RECK: variants seen among roughly 807,000 people sequenced by gnomAD.
The protein encoded by RECK is reversion inducing cysteine rich protein with kazal motifs.
Under a neutral mutation model 115.1 loss-of-function variants are expected in RECK, and 69 were observed. The observed-to-expected ratio is 0.60, with a 90% CI of 0.49 to 0.73. RECK has a LOEUF of 0.73. Among genes scored for constraint, RECK ranks in the 30% least tolerant of loss-of-function variants. The pLI, the probability that RECK is intolerant of heterozygous loss-of-function variation, is 0.00. For synonymous variants in RECK, 414 were observed against 419.7 expected, an observed-to-expected ratio of 0.99 and a Z score of 0.17; for missense variants, 1,047 against 1,203.7, an observed-to-expected ratio of 0.87 and a Z score of 1.93.
At chr9:36,114,191 GAA>G (rs1824167511) in intron 16 of RECK, among the ~76,000 whole-genome samples, 1 of 152,184 alleles carries the variant, frequency 6.6e-6, no homozygotes, top group South Asian at 2.1e-4. Flanking sequence ...CCATTGTCTA[GAA>G]CTCAGTCCGT....
intron 1 of RECK, among the ~76,000 whole-genome samples, chr9:36,046,196 A>T (rs1182936922): frequency 6.6e-6 from 1 of 152,196 alleles, no homozygotes; most frequent in East Asian, 1.9e-4. Context: ...AACCCAGAAT[A>T]TGTCTAGAAT....
chr9:36,089,975 C>T (rs1418442216), intron 9 of RECK, among the ~76,000 whole-genome samples: 1 of 128,504 alleles, frequency 7.8e-6, no homozygotes, highest in Non-Finnish European at 1.6e-5. Context: ...AATACACACA[C>T]ACACACACAC....
intron 8 of RECK, among the ~76,000 whole-genome samples, chr9:36,087,454 A>G (rs909633112): frequency 1.3e-5 from 2 of 152,158 alleles, no homozygotes; most frequent in African/African-American, 4.8e-5. Flanking sequence ...GAACACATGG[A>G]CACAGGGAGG....
At chr9:36,061,737 A>G (rs905951097) in intron 4 of RECK, among the ~76,000 whole-genome samples, 3 of 152,234 alleles carry the variant, frequency 2.0e-5, no homozygotes, top group Non-Finnish European at 4.4e-5. Context: ...AGAAGAAACT[A>G]TACTAGGCAA....
intron 1 of RECK, among the ~76,000 whole-genome samples, chr9:36,045,369 A>G (rs1453619113): frequency 2.6e-5 from 4 of 152,234 alleles, no homozygotes; most frequent in African/African-American, 7.2e-5. Flanking sequence ...TTGATTAAAA[A>G]TAAGATTTTA....
chr9:36,073,271 CACACACAT>C (rs1822315680), intron 6 of RECK, among the ~76,000 whole-genome samples: 1 of 150,094 alleles, frequency 6.7e-6, no homozygotes, highest in South Asian at 2.1e-4. Flanking sequence ...CACACACACA[CACACACAT>C]CCATCCCAAA....
intron 6 of RECK, 145 bp from the exon 7 acceptor site, chr9:36,080,460 A>G (rs148449219): frequency 4.3e-6 from 3 of 695,048 alleles, no homozygotes; most frequent in East Asian, 2.8e-5. Flanking sequence ...ATATCATTTC[A>G]TAACTTCTGT....
In RECK at chr9:36,091,349, A is replaced by G. The variant is rs374823318; in HGVS notation, c.1085+6A>G. The G allele has an allele frequency of 2.0e-6, 3 of 1,470,408 alleles. No homozygotes were observed. Among genetic ancestry groups the G allele is most frequent in the South Asian group, 1.4e-5 (1 of 69,380 alleles). The allele number at this position is 1,470,408 out of a possible 1,614,324, so 91.1% of individuals were successfully genotyped here. On this transcript the variant is annotated splice_donor_region_variant and intron_variant, in intron 10 of 20. Coordinates refer to ENST00000377966, the MANE Select transcript of RECK (RefSeq NM_021111.3). ...TGTACTAATTTTAACAACAGGTAAG[A>G]CAAATTATTATACATGGAATGGAAA...
chr9:36,105,190 A>G lies in RECK; in HGVS notation c.1483A>G (p.Asn495Asp). ...TGTAGAAGAAGTGACTCATCCCTGT[A>G]ACCCAAATCCTTGCCCTGCCAATGA... ...NIVEEVTHPC[N>D]PNPCPANELC... The change falls in exon 13 of 21, where the codon AAC becomes GAC. Residue 495 changes from asparagine to aspartate, a missense_variant. Physicochemically the swap from Asn to Asp is conservative, Grantham distance 23. Transcript: ENST00000377966. 1.2e-6 allele frequency: 2 copies of G among 1,614,124 alleles called. No homozygotes were observed. Among genetic ancestry groups the G allele is most frequent in the Non-Finnish European group, 1.7e-6 (2 of 1,179,950 alleles).
At position 36,117,063 on chromosome 9, in the gene RECK, G is replaced by A. The variant is rs1238947490; in HGVS notation, c.2139G>A (p.Gln713=). Residue 713 remains glutamine, a synonymous_variant, in exon 17 of 21, where the codon CAG becomes CAA. Coordinates refer to ENST00000377966, the MANE Select transcript of RECK (RefSeq NM_021111.3). ...GCSQYECVPR[Q]LACDQVQDPV... ...GCCAGTATGAGTGTGTACCAAGACA[G>A]CTCGCGTGTGACCAGGTCCAAGATC... The A allele has an allele frequency of 1.2e-6, 2 of 1,614,028 alleles. No homozygotes were observed. The highest frequency in any genetic ancestry group is 1.7e-6 in the Non-Finnish European group (2 of 1,180,014).
At chr9:36,046,555 G>A (rs899998181) in intron 1 of RECK, among the ~76,000 whole-genome samples, 14 of 152,184 alleles carry the variant, frequency 9.2e-5, no homozygotes, top group African/African-American at 2.4e-5. Flanking sequence ...TCCTGTTCGT[G>A]GAGAGTGGCA....
At chr9:36,106,842 C>T (rs972254444) in intron 13 of RECK, among the ~76,000 whole-genome samples, 2 of 151,880 alleles carry the variant, frequency 1.3e-5, no homozygotes, top group Non-Finnish European at 1.5e-5. Flanking sequence ...CAGTGGCTCA[C>T]ACCTGTAATC....
intron 10 of RECK, among the ~76,000 whole-genome samples, chr9:36,096,241 A>G (rs113868003): frequency 2.7e-5 from 4 of 150,740 alleles, no homozygotes; most frequent in Non-Finnish European, 5.9e-5. Flanking sequence ...TATCTCAAAA[A>G]AAAAATTTTA....
chr9:36,058,098 T>C (rs1157527270), intron 2 of RECK, among the ~76,000 whole-genome samples: 11 of 150,608 alleles, frequency 7.3e-5, no homozygotes, highest in African/African-American at 2.7e-4. Flanking sequence ...AGTGTGGCGA[T>C]TCCTCAGGGA....
Position 36,118,979 on chromosome 9 carries a change from G to T in RECK, c.2464+12G>T. On this transcript the variant is annotated intron_variant, in intron 18 of 20. Coordinates refer to ENST00000377966, the MANE Select transcript of RECK (RefSeq NM_021111.3). Reference sequence around the variant, plus strand: ...CATCATCCCACCGGGTAGGCTGGCAGTATCGGGGTGGACAGGGGAGGACTG... The same window carrying T: ...CATCATCCCACCGGGTAGGCTGGCATTATCGGGGTGGACAGGGGAGGACTG... 6.2e-7 allele frequency: 1 copy of T among 1,610,482 alleles called. No individual in the cohort carries two copies. The highest frequency in any genetic ancestry group is 1.1e-5 in the South Asian group (1 of 90,936).
intron 6 of RECK, among the ~76,000 whole-genome samples, chr9:36,074,255 C>T (rs566733227): frequency 3.3e-4 from 51 of 152,316 alleles, no homozygotes; most frequent in African/African-American, 1.1e-3. Flanking sequence ...TCTTTTTAAA[C>T]TAATCCCTGA....
chr9:36,097,282 C>T lies in RECK; in HGVS notation c.1086-3049C>T, dbSNP rs181708706. 3.4e-4 allele frequency among the ~76,000 whole-genome samples: 50 copies of T among 148,622 alleles called. 1 individual carries two copies. Among genetic ancestry groups the T allele is most frequent in the African/African-American group, 6.7e-4 (27 of 40,256 alleles). The stretch of plus-strand genomic sequence containing the variant: ...GGTGAAAGTTGCAGTGAGCTGAGAT[C>T]GCGCCACTGCACTCCAGCCTGGGCG... On this transcript the variant is annotated intron_variant, in intron 10 of 20. Coordinates refer to ENST00000377966, the MANE Select transcript of RECK (RefSeq NM_021111.3).
At chr9:36,083,010 A>C (rs1203855831) in intron 7 of RECK, among the ~76,000 whole-genome samples, 1 of 152,194 alleles carries the variant, frequency 6.6e-6, no homozygotes, top group Non-Finnish European at 1.5e-5. Context: ...GCATTTTGAG[A>C]GACAGTGTTT....
intron 6 of RECK, among the ~76,000 whole-genome samples, chr9:36,079,426 A>G (rs906146803): frequency 6.6e-6 from 1 of 152,210 alleles, no homozygotes; most frequent in South Asian, 2.1e-4. Flanking sequence ...GAAAGAATTC[A>G]TACTGGGTGA....
Sources: allele counts gnomAD v4.1 joint callset (sites outside exome capture counted in the v4.1 genomes callset), GRCh38; gene constraint gnomAD v4.1.1; transcripts MANE v1.5; gene names NCBI Gene and HGNC (gene_info 2026-07-23, HGNC 2026-07-21).